Variants in FBXO2 observed in about 807,000 individuals in gnomAD.
The protein encoded by FBXO2 is F-box protein 2.
Under a neutral mutation model 38.6 loss-of-function variants are expected in FBXO2, and 32 were observed. That is an observed-to-expected ratio of 0.83 (90% CI 0.62 to 1.11). The LOEUF (loss-of-function observed/expected upper bound fraction) is 1.11. Among genes scored for constraint, FBXO2 ranks in the 50% most tolerant of loss-of-function variants. FBXO2 has a pLI of 0.00. For synonymous variants in FBXO2, 189 were observed against 182.9 expected (o/e 1.03, Z -0.27); for missense variants, 450 against 418.3 (o/e 1.08, Z -0.66).
chr1:11,649,207 G>C lies in FBXO2; in HGVS notation c.636C>G (p.Asp212Glu), dbSNP rs766596532. 3.2e-6 allele frequency: 5 copies of C among 1,550,694 alleles called. No homozygotes were observed. In the Middle Eastern group the frequency reaches 5.2e-4, roughly 162 times the overall value. ...CGGTGAGCTCGTAGAGGCAACCAGC[G>C]TCGCTGCGGCCCGAGTACCTGCTCA... ...VVKDWYSGRS[D>E]AGCLYELTVK... is the part of the protein sequence containing the mutation. The change falls in exon 5 of 6, where the codon GAC becomes GAG. Residue 212 changes from aspartate (D) to glutamate (E), a missense_variant. Transcript: ENST00000354287.
Position 11,650,675 on chromosome 1 carries a change from G to A in FBXO2, c.182C>T (p.Ala61Val), listed in dbSNP as rs1045819045. 5.2e-6 allele frequency: 8 copies of A among 1,541,790 alleles called. No individual in the cohort carries two copies. The highest frequency in any genetic ancestry group is 1.9e-5 in the Admixed American group (1 of 51,796). Residue 61 changes from alanine to valine, a missense_variant, in exon 2 of 6, where the codon GCA becomes GTA. Transcript: ENST00000354287. ...PEPLLLRVLA[A>V]LPAAELVQAC... is the part of the protein sequence containing the mutation. Reference sequence around the variant, plus strand: ...CTGCACCAGCTCGGCGGCCGGCAGTGCGGCCAGCACGCGCAGCAGCAGCGG... The same window carrying A: ...CTGCACCAGCTCGGCGGCCGGCAGTACGGCCAGCACGCGCAGCAGCAGCGG...
At chr1:11,650,180 T>C in intron 2 of FBXO2, 106 bp from the exon 3 acceptor site, 1 of 1,513,014 alleles carries the variant, frequency 6.6e-7, no homozygotes, top group Admixed American at 1.9e-5. Context: ...GGTGTCTTGG[T>C]GGGCAGATGA....
chr1:11,654,184 A>G, intron 1 of FBXO2, 135 bp downstream of exon 1: 1 of 990,210 alleles, frequency 1.0e-6, no homozygotes, highest in South Asian at 1.6e-5. Flanking sequence ...GACCGCCTCT[A>G]GGGCTTCGCT....
In FBXO2 at chr1:11,650,585, T is replaced by G; in HGVS notation, c.272A>C (p.Lys91Thr). The G allele has an allele frequency of 6.3e-7, 1 of 1,594,830 alleles. No individual in the cohort carries two copies. The highest frequency in any genetic ancestry group is 8.5e-7 in the Non-Finnish European group (1 of 1,173,320). The change falls in exon 2 of 6, where the codon AAG becomes ACG. Residue 91 changes from lysine (K) to threonine (T), a missense_variant. Physicochemically the swap from Lys to Thr is moderately conservative, Grantham distance 78. Coordinates refer to ENST00000354287, the MANE Select transcript of FBXO2 (RefSeq NM_012168.6). ...GGGCACCAGCCCCTCCTGCTGGCAC[T>G]TGAGCAGCCACAGCGGGGCGCCGTC... ...LVDGAPLWLL[K>T]CQQEGLVPEG...
chr1:11,650,410 G>GT, intron 2 of FBXO2, 56 bp downstream of exon 2: 2 of 1,569,612 alleles, frequency 1.3e-6, no homozygotes, highest in Non-Finnish European at 1.7e-6. Flanking sequence ...AGGCGGCGCC[G>GT]TTTCGGCCCA....
At position 11,649,786 on chromosome 1, in the gene FBXO2, TCAC is replaced by T. The variant is rs1639482118; in HGVS notation, c.607_609del (p.Val203del). 6.2e-7 allele frequency: 1 copy of T among 1,613,604 alleles called. No individual in the cohort carries two copies. The highest frequency in any genetic ancestry group is 8.5e-7 in the Non-Finnish European group (1 of 1,179,958). ...ACCCCAGGACCCTCTCACCAGTCCT[TCAC>T]CACGATGGCCGGCTGAGTCGTGTCC... On this transcript the variant is annotated inframe_deletion, in exon 4 of 6. Transcript: ENST00000354287.
chr1:11,653,083 A>C (rs149253024), intron 1 of FBXO2, among the ~76,000 whole-genome samples: 8 of 152,318 alleles, frequency 5.3e-5, no homozygotes, highest in African/African-American at 1.9e-4. Context: ...AAGACAGAGG[A>C]AAATGCCAGG....
rs763688763 is a variant in FBXO2, at chr1:11,648,711, C to G, written c.874G>C (p.Val292Leu). ...AGGGTCGCTCAGGGTTCTACCCACA[C>G]GCTGCTGTTGGTCACCCGGGCCCCG... ...WFGARVTNSS[V>L]WVEP The change falls in exon 6 of 6, where the codon GTG (valine) becomes CTG (leucine). Residue 292 changes from valine (V) to leucine (L), a missense_variant. Val to Leu is a conservative substitution (Grantham distance 32, BLOSUM62 1). Transcript: ENST00000354287. This position sits in a 1 kb window ranked among gnomAD's most constrained non-coding sequence, Gnocchi z 4.2. 2.0e-5 allele frequency: 32 copies of G among 1,613,200 alleles called. No homozygotes were observed. Among genetic ancestry groups the G allele is most frequent in the South Asian group, 1.3e-4 (12 of 91,084 alleles).
chr1:11,650,051 CGTCACACCAGCCTTCCAA>C lies in FBXO2; in HGVS notation c.397_414del (p.Leu133_Asp138del). The stretch of plus-strand genomic sequence containing the variant: ...CTCCAGCCGTCCCCACCATGCTCCA[CGTCACACCAGCCTTCCAA>C]GTCCTCTGTAGGGACACGACAGCCC... On this transcript the variant is annotated inframe_deletion, in exon 3 of 6. Coordinates refer to ENST00000354287, the MANE Select transcript of FBXO2 (RefSeq NM_012168.6). 6.2e-7 allele frequency: 1 copy of C among 1,614,136 alleles called. No individual in the cohort carries two copies. Among genetic ancestry groups the C allele is most frequent in the Non-Finnish European group, 8.5e-7 (1 of 1,180,040 alleles).
chr1:11,649,199 C>T lies in FBXO2; in HGVS notation c.644G>A (p.Cys215Tyr). 1 of 1,501,430 alleles carries T rather than the reference C, an allele frequency of 6.7e-7. No homozygotes were observed. The highest frequency in any genetic ancestry group is 9.0e-7 in the Non-Finnish European group (1 of 1,115,282). The allele number at this position is 1,501,430 out of a possible 1,614,324, so 93.0% of individuals were successfully genotyped here. The change falls in exon 5 of 6, where the codon TGC becomes TAC. Residue 215 changes from cysteine (C) to tyrosine (Y), a missense_variant. By Grantham distance (194) the Cys-to-Tyr change is radical (BLOSUM62 -2). Transcript: ENST00000354287. The part of the protein sequence containing the change: ...DWYSGRSDAG[C>Y]LYELTVKLLS... ...TAGCTTAACGGTGAGCTCGTAGAGGCAACCAGCGTCGCTGCGGCCCGAGTA... is the reference window on the plus strand; with the variant it reads ...TAGCTTAACGGTGAGCTCGTAGAGGTAACCAGCGTCGCTGCGGCCCGAGTA...
chr1:11,649,910 C>A (rs1433399101), intron 3 of FBXO2, 35 bp downstream of exon 3: 1 of 1,613,774 alleles, frequency 6.2e-7, no homozygotes, highest in East Asian at 2.2e-5. Flanking sequence ...GCGAACGCTC[C>A]CCCCTTCCCA....
At position 11,648,917 on chromosome 1, in the gene FBXO2, C is replaced by A. The variant is rs1330610837; in HGVS notation, c.757-89G>T. The A allele has an allele frequency of 3.8e-6, 6 of 1,562,724 alleles. No individual in the cohort carries two copies. The highest frequency in any genetic ancestry group is 5.2e-6 in the Non-Finnish European group (6 of 1,144,822). ...CGGTACACCGACCGACCTGCAGCTC[C>A]CCCACTCGGTTTCTCCGCGGTATTC... On this transcript the variant is annotated intron_variant, in intron 5 of 5. Coordinates refer to ENST00000354287, the MANE Select transcript of FBXO2 (RefSeq NM_012168.6). The surrounding 1 kb of genome is among the most constrained non-coding windows in gnomAD (Gnocchi z 4.2).
At position 11,648,698 on chromosome 1, in the gene FBXO2, G is replaced by T. The variant is rs762602817; in HGVS notation, c.887C>A (p.Pro296His). 6.2e-7 allele frequency: 1 copy of T among 1,613,308 alleles called. No homozygotes were observed. Among genetic ancestry groups the T allele is most frequent in the Non-Finnish European group, 8.5e-7 (1 of 1,179,962 alleles). Residue 296 changes from proline (P) to histidine (H), a missense_variant, in exon 6 of 6, where the codon CCC (proline) becomes CAC (histidine). Coordinates refer to ENST00000354287, the MANE Select transcript of FBXO2 (RefSeq NM_012168.6). The surrounding 1 kb of genome is among the most constrained non-coding windows in gnomAD (Gnocchi z 4.2). ...RVTNSSVWVE[P>H] The stretch of plus-strand genomic sequence containing the variant: ...GGAGAGTGGAGGCAGGGTCGCTCAG[G>T]GTTCTACCCACACGCTGCTGTTGGT...
chr1:11,649,276 T>C (rs1352426882), intron 4 of FBXO2, 51 bp from the exon 5 acceptor site: 3 of 1,371,942 alleles, frequency 2.2e-6, no homozygotes, highest in South Asian at 2.7e-5. Flanking sequence ...GGTGGGGGCA[T>C]GGCCTCAGCC....
At position 11,648,551 on chromosome 1, in the gene FBXO2, G is replaced by T; in HGVS notation, c.*143C>A. 1.7e-6 allele frequency: 2 copies of T among 1,194,440 alleles called. No individual in the cohort carries two copies. Among genetic ancestry groups the T allele is most frequent in the Non-Finnish European group, 2.3e-6 (2 of 861,856 alleles). The allele number at this position is 1,194,440 out of a possible 1,614,324, so 74.0% of individuals were successfully genotyped here. A position where few individuals can be genotyped will look rare whatever the true frequency, so the allele number is the denominator to read the frequency against. Reference sequence around the variant, plus strand: ...ATGCCAACAAAACTTCTCTCTCCCTGCTCAGGGGCTGGGATCGGAGCAAGG... The same window carrying T: ...ATGCCAACAAAACTTCTCTCTCCCTTCTCAGGGGCTGGGATCGGAGCAAGG... On this transcript the variant is annotated 3_prime_UTR_variant, in exon 6 of 6. Transcript: ENST00000354287. This position sits in a 1 kb window ranked among gnomAD's most constrained non-coding sequence, Gnocchi z 4.2.
At chr1:11,651,547 C>T (rs1639520361) in intron 1 of FBXO2, among the ~76,000 whole-genome samples, 1 of 152,158 alleles carries the variant, frequency 6.6e-6, no homozygotes, top group Non-Finnish European at 1.5e-5. Flanking sequence ...GATGAGGAAA[C>T]TGAGGCACAG....
At chr1:11,651,102 C>A (rs1432266750) in intron 1 of FBXO2, among the ~76,000 whole-genome samples, 2 of 152,226 alleles carry the variant, frequency 1.3e-5, no homozygotes, top group Admixed American at 1.3e-4. Context: ...CAGATGGCAA[C>A]AAGGATCATA....
intron 3 of FBXO2, 24 bp from the exon 4 acceptor site, chr1:11,649,898 G>A: frequency 1.2e-6 from 2 of 1,613,956 alleles, no homozygotes; most frequent in Non-Finnish European, 1.7e-6. Context: ...AGTTAGGACA[G>A]AGCGAACGCT....
rs2100584132 is a variant in FBXO2 at position 11,648,681 on chromosome 1, G to C, written c.*13C>G. 1.2e-6 allele frequency: 2 copies of C among 1,612,558 alleles called. No homozygotes were observed. Among genetic ancestry groups the C allele is most frequent in the Non-Finnish European group, 1.7e-6 (2 of 1,179,428 alleles). On this transcript the variant is annotated 3_prime_UTR_variant, in exon 6 of 6. Transcript: ENST00000354287. The surrounding 1 kb of genome is among the most constrained non-coding windows in gnomAD (Gnocchi z 4.2). Reference sequence around the variant, plus strand: ...CCCTCCAGGCAGCTGGGGGAGAGTGGAGGCAGGGTCGCTCAGGGTTCTACC... The same window carrying C: ...CCCTCCAGGCAGCTGGGGGAGAGTGCAGGCAGGGTCGCTCAGGGTTCTACC...
Sources: allele counts gnomAD v4.1 joint callset (sites outside exome capture counted in the v4.1 genomes callset), GRCh38; gene constraint gnomAD v4.1.1; non-coding constraint Gnocchi (gnomAD v3.1); transcripts MANE v1.5; gene names NCBI Gene and HGNC (gene_info 2026-07-23, HGNC 2026-07-21).